DERA: variants seen among roughly 807,000 people sequenced by gnomAD.
DERA encodes 2-deoxy-D-ribose 5-phosphate aldolase.
In DERA, 15 loss-of-function variants were observed where a neutral mutation model predicts 41.1. The ratio of observed to expected loss-of-function variants is 0.37; its 90% CI spans 0.24 to 0.56. The LOEUF is 0.56. DERA is among the 20% of genes least tolerant of loss of function. The pLI is 0.81. For synonymous variants in DERA, 139 were observed against 137.4 expected (o/e 1.01, Z -0.08); for missense variants, 396 against 403.4 (o/e 0.98, Z 0.16).
intron 1 of DERA, among the ~76,000 whole-genome samples, chr12:15,929,460 CTTGT>C (rs905726536): frequency 5.3e-5 from 8 of 152,064 alleles, no homozygotes; most frequent in Admixed American, 1.3e-4. Context: ...GTAGCGGAGG[CTTGT>C]TTGTTTGTTT....
intron 1 of DERA, among the ~76,000 whole-genome samples, chr12:15,929,725 A>G (rs1340880842): frequency 6.6e-6 from 1 of 152,212 alleles, no homozygotes; most frequent in African/African-American, 2.4e-5. Context: ...AAAGGTACAT[A>G]TACAGTATGT....
At chr12:15,975,529 G>A (rs1490386033) in intron 5 of DERA, among the ~76,000 whole-genome samples, 1 of 152,202 alleles carries the variant, frequency 6.6e-6, no homozygotes, top group Admixed American at 6.5e-5. Context: ...TTCTACAAAG[G>A]CAGTCTAGTC....
chr12:16,022,115 A>G (rs1425032358), intron 6 of DERA, among the ~76,000 whole-genome samples: 1 of 152,210 alleles, frequency 6.6e-6, no homozygotes, highest in Non-Finnish European at 1.5e-5. Flanking sequence ...CCAATGATGG[A>G]GGCAGGGCCT....
chr12:15,994,048 T>G lies in DERA; in HGVS notation c.637+11612T>G, dbSNP rs1426093181. 6.6e-6 allele frequency among the ~76,000 whole-genome samples: 1 copy of G among 152,216 alleles called. No homozygotes were observed. The highest frequency in any genetic ancestry group is 1.5e-5 in the Non-Finnish European group (1 of 68,040). ...CATATTTTCTGGTCTGTGTAAAATT[T>G]TATTGTCTGAAATTGTGAAAAATGT... On this transcript the variant is annotated intron_variant, in intron 6 of 8. Coordinates refer to ENST00000428559, the MANE Select transcript of DERA (RefSeq NM_015954.4). This position sits in a 1 kb window ranked among gnomAD's most constrained non-coding sequence, Gnocchi z 4.8.
At chr12:15,973,952 A>T (rs1022996236) in intron 5 of DERA, among the ~76,000 whole-genome samples, 6 of 152,210 alleles carry the variant, frequency 3.9e-5, no homozygotes, top group African/African-American at 1.2e-4. Flanking sequence ...TTAAACTTAC[A>T]GAAAAGTTGT....
chr12:15,914,354 T>C (rs370077731), intron 1 of DERA, among the ~76,000 whole-genome samples: 54 of 147,928 alleles, frequency 3.7e-4, no homozygotes, highest in African/African-American at 1.3e-3. Flanking sequence ...TGCACTCCAT[T>C]GGGCAACAGA....
At chr12:15,934,938 CAT>C (rs1948354382) in intron 1 of DERA, among the ~76,000 whole-genome samples, 4 of 152,082 alleles carry the variant, frequency 2.6e-5, no homozygotes, top group African/African-American at 9.7e-5. Context: ...TAGGTTTAAA[CAT>C]ATTAAAACAA....
chr12:15,958,929 A>G (rs1188581119), intron 3 of DERA, among the ~76,000 whole-genome samples: 1 of 152,180 alleles, frequency 6.6e-6, no homozygotes, highest in African/African-American at 2.4e-5. Flanking sequence ...TTCTAAATAA[A>G]GAAACAAAGA....
rs191176138 is a variant in DERA at position 15,941,980 on chromosome 12, C to T, written c.32-14956C>T. Among the ~76,000 whole-genome samples, 39 of 151,880 alleles carry T rather than the reference C, an allele frequency of 2.6e-4. No homozygotes were observed. Among genetic ancestry groups the T allele is most frequent in the Non-Finnish European group, 5.1e-4 (35 of 68,026 alleles). On this transcript the variant is annotated intron_variant, in intron 1 of 8. Coordinates refer to ENST00000428559, the MANE Select transcript of DERA (RefSeq NM_015954.4). The surrounding 1 kb of genome is among the most constrained non-coding windows in gnomAD (Gnocchi z 4.5). ...TTGTACTAATTTACATTCCCATCAC[C>T]AATGTAAAAGTGTTCCCTTTTCACC...
intron 5 of DERA, among the ~76,000 whole-genome samples, chr12:15,968,520 C>CA (rs993361736): frequency 6.6e-6 from 1 of 152,186 alleles, no homozygotes; most frequent in African/African-American, 2.4e-5. Context: ...AGACCCAGAA[C>CA]AAATGCACCA....
chr12:16,032,449 GAA>G lies in DERA; in HGVS notation c.638-88_638-87del, dbSNP rs914996004. On this transcript the variant is annotated intron_variant, in intron 6 of 8. Transcript: ENST00000428559. ...GAAAAATAACATTGGGTTTCTTCGG[GAA>G]AAAATTTACACAACTCATTTCTCCC... is the stretch of plus-strand genomic sequence containing the variant. 8 of 730,320 alleles carry G rather than the reference GAA, an allele frequency of 1.1e-5. No individual in the cohort carries two copies. In the African/African-American group the frequency reaches 1.3e-4, roughly 12 times the overall value. The allele number at this position is 730,320 out of a possible 1,614,324, so 45.2% of individuals were successfully genotyped here. A position where few individuals can be genotyped will look rare whatever the true frequency, so the allele number is the denominator to read the frequency against.
chr12:16,034,116 A>G (rs1949111667), intron 7 of DERA, among the ~76,000 whole-genome samples: 1 of 152,202 alleles, frequency 6.6e-6, no homozygotes, highest in South Asian at 2.1e-4. Context: ...CTGGGCCCCC[A>G]TCCCTGGTGG....
intron 5 of DERA, among the ~76,000 whole-genome samples, chr12:15,975,514 G>C (rs1275439349): frequency 6.6e-6 from 1 of 152,228 alleles, no homozygotes; most frequent in Non-Finnish European, 1.5e-5. Context: ...GAGCTAACTT[G>C]TTAGTTCTAC....
chr12:15,956,511 C>T, intron 1 of DERA: 1 of 345,922 alleles, frequency 2.9e-6, no homozygotes, highest in Non-Finnish European at 5.6e-6. Flanking sequence ...TTCTGTAAGC[C>T]CCACCATTAG....
chr12:15,942,389 G>A (rs927566366), intron 1 of DERA, among the ~76,000 whole-genome samples: 3 of 151,962 alleles, frequency 2.0e-5, no homozygotes, highest in African/African-American at 7.3e-5. Context: ...ATTTATTTTT[G>A]TTGTTGTTGC....
rs1948959273 is a variant in DERA, at chr12:16,013,368, G to A, written c.638-19174G>A. Among the ~76,000 whole-genome samples the A allele has an allele frequency of 6.6e-6, 1 of 152,076 alleles. No homozygotes were observed. On this transcript the variant is annotated intron_variant, in intron 6 of 8. Coordinates refer to ENST00000428559, the MANE Select transcript of DERA (RefSeq NM_015954.4). The surrounding 1 kb of genome is among the most constrained non-coding windows in gnomAD (Gnocchi z 5.8). The stretch of plus-strand genomic sequence containing the variant: ...CAGGTGGAGGTAATTGAATCATGAG[G>A]GCAGTTTCCCCCATGTTGTTCTTAC...
intron 6 of DERA, among the ~76,000 whole-genome samples, chr12:16,027,075 T>C (rs1387021964): frequency 1.3e-5 from 2 of 152,182 alleles, no homozygotes; most frequent in African/African-American, 2.4e-5. Flanking sequence ...TGACAAGGCA[T>C]CTGACAAATT....
rs1949131061 is a variant in DERA at position 16,036,666 on chromosome 12, A to AT, written c.901-22dup. 6.4e-7 allele frequency: 1 copy of AT among 1,558,444 alleles called. No homozygotes were observed. The highest frequency in any genetic ancestry group is 1.8e-5 in the Admixed American group (1 of 56,846). ...GTGTATAATTATAGAATGATTGTTA[A>AT]TTAAACTCTGCTTTTCCTCACAGAT... is the stretch of plus-strand genomic sequence containing the variant. On this transcript the variant is annotated intron_variant, in intron 8 of 8. Transcript: ENST00000428559. This position sits in a 1 kb window ranked among gnomAD's most constrained non-coding sequence, Gnocchi z 4.9.
chr12:16,007,085 T>G (rs1948915665), intron 6 of DERA, among the ~76,000 whole-genome samples: 1 of 152,248 alleles, frequency 6.6e-6, no homozygotes. Context: ...ACCCATTTGT[T>G]TATACAAATA....
Sources: gnomAD v4.1 joint callset for allele counts (sites outside exome capture counted in the v4.1 genomes callset) on GRCh38, gnomAD v4.1.1 for gene constraint, Gnocchi (gnomAD v3.1) non-coding constraint, MANE v1.5 for transcripts, NCBI Gene and HGNC (gene_info 2026-07-23, HGNC 2026-07-21) for gene names.